The following STS variants were observed in gnomAD, a reference collection of about 807,000 sequenced individuals.
The protein encoded by STS is steroid sulfatase.
STS carries 7 observed loss-of-function variants against 26.8 expected under a neutral mutation model. That is an observed-to-expected ratio of 0.26 (90% CI 0.15 to 0.49). STS has a LOEUF of 0.49. STS is among the 20% of genes least tolerant of loss of function. The probability of loss-of-function intolerance (pLI) is 0.98; values close to 1 mark genes in which losing one functional copy is unlikely to be tolerated. For missense variants in STS, 434 were observed against 465.6 expected, an observed-to-expected ratio of 0.93 and a Z score of 0.63; for synonymous variants, 199 against 189.4, an observed-to-expected ratio of 1.05 and a Z score of -0.42.
chrX:7,186,088 A>G (rs780097906), intron 1 of STS, among the ~76,000 whole-genome samples: 12 of 112,520 alleles, frequency 1.1e-4, no homozygotes, highest in Non-Finnish European at 2.1e-4. Context: ...AATTCTCCTT[A>G]GTGCTAAGCA....
intron 1 of STS, among the ~76,000 whole-genome samples, chrX:7,152,030 G>T (rs1237117682): frequency 9.0e-6 from 1 of 111,210 alleles, no homozygotes; most frequent in Non-Finnish European, 1.9e-5. Context: ...TTGGCTCACT[G>T]CAAGCTCCGC....
chrX:7,215,090 T>C (rs1166841306), intron 2 of STS, among the ~76,000 whole-genome samples: 7 of 87,768 alleles, frequency 8.0e-5, no homozygotes, highest in African/African-American at 3.1e-4. Flanking sequence ...TGTATACGTA[T>C]ATATGTGTAT....
intron 1 of STS, among the ~76,000 whole-genome samples, chrX:7,187,282 C>A (rs1394107524): frequency 8.9e-6 from 1 of 112,284 alleles, no homozygotes; most frequent in Non-Finnish European, 1.9e-5. Flanking sequence ...TAAATTCCTT[C>A]AATCAATCTC....
chrX:7,249,060 A>C (rs768221121), intron 2 of STS, among the ~76,000 whole-genome samples: 39 of 110,737 alleles, frequency 3.5e-4, no homozygotes, highest in Middle Eastern at 4.6e-3. Context: ...GGAGCCCCAC[A>C]GAAGTGTGTT....
chrX:7,230,359 C>A (rs1317091475), intron 2 of STS, among the ~76,000 whole-genome samples: 1 of 111,635 alleles, frequency 9.0e-6, no homozygotes, highest in East Asian at 2.8e-4. Context: ...TAGGTATGTA[C>A]CCAAAAGAAT....
At chrX:7,178,978 C>T (rs1187591856) in intron 1 of STS, among the ~76,000 whole-genome samples, 1 of 108,497 alleles carries the variant, frequency 9.2e-6, no homozygotes, top group East Asian at 3.0e-4. Flanking sequence ...CCTTCTCTCT[C>T]TGTCCTTCTC....
intron 1 of STS, among the ~76,000 whole-genome samples, chrX:7,169,489 G>A (rs1458580867): frequency 1.8e-5 from 2 of 112,267 alleles, no homozygotes; most frequent in African/African-American, 6.5e-5. Flanking sequence ...TAATACTGCT[G>A]TGAACATTGA....
chrX:7,203,174 G>A (rs762728162), intron 2 of STS, among the ~76,000 whole-genome samples: 3 of 111,842 alleles, frequency 2.7e-5, no homozygotes, highest in East Asian at 2.8e-4. Flanking sequence ...TGCTACCCAC[G>A]CCACAAGTTC....
chrX:7,295,113 G>A (rs1335031342), intron 7 of STS, among the ~76,000 whole-genome samples: 5 of 111,757 alleles, frequency 4.5e-5, no homozygotes, highest in African/African-American at 1.6e-4. Context: ...AGAAAGGAAC[G>A]ACATTAGAAT....
intron 1 of STS, among the ~76,000 whole-genome samples, chrX:7,167,145 G>A (rs763554026): frequency 3.0e-4 from 33 of 111,425 alleles, no homozygotes; most frequent in African/African-American, 1.1e-3. Context: ...TCCAGGTGTT[G>A]GCTGTGTTCT....
rs755258340 is a variant in STS at position 7,171,029 on chromosome X, G to T, written c.-133-19851G>T. On this transcript the variant is annotated intron_variant, in intron 1 of 10. Transcript: ENST00000674429. ...AATGGGCCAGTCATGGGATATGCAG[G>T]GTCATATGATTGCAAGGTCATGAAA... Among the ~76,000 whole-genome samples, 5 of 111,424 alleles carry T rather than the reference G, an allele frequency of 4.5e-5. No homozygotes were observed. The East Asian group carries it at 1.4e-3, about 32-fold the overall frequency.
chrX:7,204,483 C>G (rs12859474), intron 2 of STS, among the ~76,000 whole-genome samples: 1 of 101,719 alleles, frequency 9.8e-6, no homozygotes, highest in African/African-American at 3.6e-5. Flanking sequence ...TTTCCTTCCT[C>G]CCTCCCTTCC....
At chrX:7,254,436 T>C (rs1329262024) in intron 3 of STS, among the ~76,000 whole-genome samples, 2 of 110,960 alleles carry the variant, frequency 1.8e-5, no homozygotes, top group Non-Finnish European at 3.8e-5. Context: ...CTCTTCCTAA[T>C]AATGTGGAGA....
chrX:7,212,600 A>G (rs1921079718), intron 2 of STS, among the ~76,000 whole-genome samples: 1 of 112,105 alleles, frequency 8.9e-6, no homozygotes, highest in Admixed American at 9.4e-5. Flanking sequence ...TTGCCCCAGG[A>G]GTTACTCCTT....
chrX:7,304,937 G>GAAC, intron 7 of STS, 109 bp from the exon 8 acceptor site: 1 of 943,081 alleles, frequency 1.1e-6, no homozygotes, highest in Non-Finnish European at 1.5e-6. Flanking sequence ...CAATATGTAA[G>GAAC]AACGTTTACT....
intron 1 of STS, 87 bp downstream of exon 1, chrX:7,148,170 G>GC (rs1325595006): frequency 9.1e-6 from 8 of 878,748 alleles, no homozygotes; most frequent in Non-Finnish European, 1.2e-5. Context: ...GCACCCGCCC[G>GC]CCCCGCGCAC....
intron 1 of STS, among the ~76,000 whole-genome samples, chrX:7,148,897 C>A (rs111724494): frequency 8.1e-5 from 9 of 111,613 alleles, no homozygotes; most frequent in African/African-American, 2.9e-4. Flanking sequence ...TTGGGCTGCT[C>A]TGAGTTTTCT....
intron 7 of STS, among the ~76,000 whole-genome samples, chrX:7,282,080 T>C (rs185103915): frequency 8.0e-5 from 9 of 112,922 alleles, no homozygotes; most frequent in African/African-American, 2.9e-4. Flanking sequence ...ACAGAGTGGC[T>C]ACCCAAACCC....
intron 7 of STS, among the ~76,000 whole-genome samples, chrX:7,285,650 C>T (rs1398107284): frequency 1.8e-5 from 2 of 111,964 alleles, no homozygotes; most frequent in Non-Finnish European, 3.8e-5. Context: ...CAGTTCATTA[C>T]ACATGTTCTA....
Sources: gnomAD v4.1 joint callset for allele counts (sites outside exome capture counted in the v4.1 genomes callset) on GRCh38, gnomAD v4.1.1 for gene constraint, MANE v1.5 for transcripts, NCBI Gene and HGNC (gene_info 2026-07-23, HGNC 2026-07-21) for gene names.